IL1RN: variants seen among roughly 807,000 people sequenced by gnomAD.
The protein encoded by IL1RN is interleukin-1 receptor antagonist protein.
Under a neutral mutation model 13.7 loss-of-function variants are expected in IL1RN, and 10 were observed. The ratio of observed to expected loss-of-function variants is 0.73; its 90% CI spans 0.45 to 1.24. The LOEUF (loss-of-function observed/expected upper bound fraction) is 1.24, where lower values mean the gene tolerates loss of function less well. Among genes scored for constraint, IL1RN ranks in the 50% most tolerant of loss-of-function variants. The probability of loss-of-function intolerance (pLI) is 0.00; values close to 1 mark genes in which losing one functional copy is unlikely to be tolerated. For synonymous variants in IL1RN, 102 were observed against 82.7 expected, an observed-to-expected ratio of 1.23 and a Z score of -1.27; for missense variants, 213 against 222.1, an observed-to-expected ratio of 0.96 and a Z score of 0.26.
At chr2:113,100,967 T>C in the IL1RN span, among the ~76,000 whole-genome samples, 2 of 152,194 alleles carry the variant, frequency 1.3e-5, no homozygotes, top group Admixed American at 1.3e-4. Context: ...ATTTCTTATA[T>C]ACATGGGAGA....
upstream of IL1RN, among the ~76,000 whole-genome samples, chr2:113,116,839 G>C (rs190245410): frequency 6.6e-6 from 1 of 152,318 alleles, no homozygotes; most frequent in African/African-American, 2.4e-5. Context: ...TATGTACTGC[G>C]TGTCATTCAT....
upstream of IL1RN, chr2:113,112,899 C>G (rs1686524651): frequency 6.6e-6 from 1 of 152,190 alleles, no homozygotes; most frequent in African/African-American, 2.4e-5. Flanking sequence ...GGCAAACACA[C>G]AGGAAGGACT....
At chr2:113,099,618 A>G in the IL1RN span, among the ~76,000 whole-genome samples, 14 of 152,028 alleles carry the variant, frequency 9.2e-5, no homozygotes, top group South Asian at 2.9e-3. Flanking sequence ...TCTTGGAGCA[A>G]AAGTTCACGA....
chr2:113,127,056 G>A (rs1461277035), upstream of IL1RN, among the ~76,000 whole-genome samples: 2 of 152,204 alleles, frequency 1.3e-5, no homozygotes, highest in Non-Finnish European at 1.5e-5. Context: ...GATTGCCAAC[G>A]TCCTTTTGTG....
chr2:113,109,196 T>G (rs1226854393), upstream of IL1RN, among the ~76,000 whole-genome samples: 1 of 152,102 alleles, frequency 6.6e-6, no homozygotes, highest in East Asian at 1.9e-4. Context: ...GTGGATCACC[T>G]GAGGTCAGGA....
intron 1 of IL1RN, among the ~76,000 whole-genome samples, chr2:113,118,904 G>A (rs1341147713): frequency 2.0e-5 from 3 of 152,144 alleles, no homozygotes; most frequent in South Asian, 4.1e-4. Context: ...GGGCATGGTG[G>A]TGCATGTCTG....
upstream of IL1RN, among the ~76,000 whole-genome samples, chr2:113,106,633 T>C (rs1573270938): frequency 6.6e-6 from 1 of 152,190 alleles, no homozygotes; most frequent in East Asian, 1.9e-4. Context: ...TTTGAGAGTT[T>C]TGAGGCTATC....
At chr2:113,107,107 T>C (rs1263486064), upstream of IL1RN, 3 of 152,232 alleles carry the variant, frequency 2.0e-5, no homozygotes, top group African/African-American at 7.2e-5. Context: ...GAAGACCTGA[T>C]AGACATCTAA....
rs1687252358 is a variant in IL1RN at position 113,133,638 on chromosome 2, C to T, written c.*767C>T. The T allele has an allele frequency of 6.5e-6, 1 of 152,774 alleles. No individual in the cohort carries two copies. The highest frequency in any genetic ancestry group is 2.1e-4 in the South Asian group (1 of 4,838). The allele number at this position is 152,774 out of a possible 1,614,324, so 9.5% of individuals were successfully genotyped here. On this transcript the variant is annotated 3_prime_UTR_variant, in exon 4 of 4. Transcript: ENST00000409930. ...CCAGCCTCCAAGCTCCATCTCCACT[C>T]CAGATTTTTTACAGCTGCCTGCAGT... is the stretch of plus-strand genomic sequence containing the variant.
At chr2:113,107,738 A>G (rs1686409295), upstream of IL1RN, among the ~76,000 whole-genome samples, 1 of 152,154 alleles carries the variant, frequency 6.6e-6, no homozygotes, top group Non-Finnish European at 1.5e-5. Flanking sequence ...CTCAAAACCA[A>G]ACCAAACCAA....
chr2:113,104,353 G>A (rs182821351), upstream of IL1RN, among the ~76,000 whole-genome samples: 126 of 152,264 alleles, frequency 8.3e-4, 1 homozygote, highest in African/African-American at 2.9e-3. Context: ...TAAGACTAGT[G>A]GGTGTTCTGG....
At chr2:113,107,660 G>A (rs1686407710), upstream of IL1RN, among the ~76,000 whole-genome samples, 1 of 152,100 alleles carries the variant, frequency 6.6e-6, no homozygotes, top group African/African-American at 2.4e-5. Flanking sequence ...TTGAACCCAG[G>A]AGGTAGAGGT....
chr2:113,129,778 T>C, intron 2 of IL1RN, 114 bp downstream of exon 2: 2 of 778,846 alleles, frequency 2.6e-6, no homozygotes, highest in Non-Finnish European at 4.7e-6. Flanking sequence ...TAATCCTTGT[T>C]GGGTCTTTGT....
At chr2:113,116,945 C>T (rs995650656), upstream of IL1RN, among the ~76,000 whole-genome samples, 1 of 152,124 alleles carries the variant, frequency 6.6e-6, no homozygotes. Flanking sequence ...GTGGTGTGCC[C>T]ACACACACAC....
intron 2 of IL1RN, chr2:113,129,950 A>C: frequency 2.3e-6 from 1 of 434,200 alleles, no homozygotes; most frequent in Non-Finnish European, 4.3e-6. Context: ...GGCAAGGTTG[A>C]CCATTCCCTT....
At chr2:113,124,753 C>T (rs1336859142), upstream of IL1RN, among the ~76,000 whole-genome samples, 1 of 152,108 alleles carries the variant, frequency 6.6e-6, no homozygotes, top group African/African-American at 2.4e-5. Flanking sequence ...AGGCTCTGCA[C>T]ATTGTGTGGG....
At chr2:113,112,213 C>T (rs1188642364) in intron 1 of IL1RN, among the ~76,000 whole-genome samples, 2 of 152,188 alleles carry the variant, frequency 1.3e-5, no homozygotes, top group Admixed American at 1.3e-4. Context: ...GTTTAAGTGA[C>T]CAACATTTGG....
chr2:113,118,200 G>T (rs1686645930), intron 1 of IL1RN, among the ~76,000 whole-genome samples: 2 of 152,258 alleles, frequency 1.3e-5, no homozygotes, highest in Admixed American at 1.3e-4. Context: ...GCATCCATGG[G>T]AGACCATGCA....
chr2:113,105,843 T>C (rs1294331703), upstream of IL1RN, among the ~76,000 whole-genome samples: 1 of 152,258 alleles, frequency 6.6e-6, no homozygotes, highest in Non-Finnish European at 1.5e-5. Context: ...TTTTTATTCT[T>C]TGAATTATTT....
Sources: gnomAD v4.1 joint callset for allele counts (sites outside exome capture counted in the v4.1 genomes callset) on GRCh38, gnomAD v4.1.1 for gene constraint, MANE v1.5 for transcripts, NCBI Gene and HGNC (gene_info 2026-07-23, HGNC 2026-07-21) for gene names.